KCTD16: variants seen among roughly 807,000 people sequenced by gnomAD.
KCTD16 encodes the protein BTB/POZ domain-containing protein KCTD16.
A neutral mutation model predicts 33.2 loss-of-function variants in KCTD16; 13 were observed. The ratio of observed to expected loss-of-function variants is 0.39; its 90% CI spans 0.25 to 0.62. The LOEUF is 0.62. Among genes scored for constraint, KCTD16 ranks in the 20% least tolerant of loss-of-function variants. KCTD16 has a pLI of 0.50. For synonymous variants in KCTD16, 197 were observed against 195.3 expected (o/e 1.01, Z -0.07); for missense variants, 441 against 525.1 (o/e 0.84, Z 1.57).
intron 3 of KCTD16, among the ~76,000 whole-genome samples, chr5:144,375,400 G>A (rs1036289941): frequency 6.6e-6 from 1 of 152,150 alleles, no homozygotes; most frequent in African/African-American, 2.4e-5. Flanking sequence ...GTGAATATGT[G>A]ATCTAGTTCT....
intron 3 of KCTD16, among the ~76,000 whole-genome samples, chr5:144,315,784 T>C (rs920497805): frequency 6.6e-6 from 1 of 152,180 alleles, no homozygotes; most frequent in African/African-American, 2.4e-5. Context: ...TATATTTAAC[T>C]AGATAAGGGC....
At chr5:144,329,039 A>G (rs1464924578) in intron 3 of KCTD16, among the ~76,000 whole-genome samples, 1 of 152,040 alleles carries the variant, frequency 6.6e-6, no homozygotes, top group East Asian at 1.9e-4. Context: ...GCAGTTTTTT[A>G]AAGCCCTCTA....
chr5:144,435,069 T>C (rs1237369794), intron 3 of KCTD16, among the ~76,000 whole-genome samples: 2 of 152,150 alleles, frequency 1.3e-5, no homozygotes, highest in Admixed American at 6.5e-5. Context: ...TCCATGGTTT[T>C]TATTGGTTTC....
intron 3 of KCTD16, among the ~76,000 whole-genome samples, chr5:144,404,577 G>A (rs1002494329): frequency 3.3e-5 from 5 of 152,120 alleles, no homozygotes; most frequent in African/African-American, 9.7e-5. Flanking sequence ...GGCATATGTC[G>A]ACATGCTTTG....
intron 3 of KCTD16, among the ~76,000 whole-genome samples, chr5:144,442,136 T>C (rs1052714457): frequency 2.0e-4 from 30 of 152,284 alleles, no homozygotes; most frequent in African/African-American, 6.7e-4. Flanking sequence ...TCTTCATTGC[T>C]AGTAGTATTG....
intron 3 of KCTD16, among the ~76,000 whole-genome samples, chr5:144,319,289 A>G (rs1054710485): frequency 2.6e-5 from 4 of 152,194 alleles, no homozygotes; most frequent in African/African-American, 9.7e-5. Context: ...AAACTAAAGA[A>G]TAGAAAATAA....
chr5:144,177,433 T>C (rs1752531407), intron 2 of KCTD16, among the ~76,000 whole-genome samples: 1 of 152,206 alleles, frequency 6.6e-6, no homozygotes, highest in South Asian at 2.1e-4. Context: ...ATTTATTGTC[T>C]TAGAGTTCTG....
chr5:144,345,800 C>T (rs1752783324), intron 3 of KCTD16, among the ~76,000 whole-genome samples: 1 of 152,138 alleles, frequency 6.6e-6, no homozygotes, highest in Non-Finnish European at 1.5e-5. Context: ...ATAGGTACAT[C>T]ATGGGGAATA....
chr5:144,309,365 A>G (rs1177267999), intron 3 of KCTD16, among the ~76,000 whole-genome samples: 1 of 140,532 alleles, frequency 7.1e-6, no homozygotes, highest in Admixed American at 7.2e-5. Context: ...TCTCCTCCAC[A>G]TTTTTTTTTT....
At chr5:144,391,582 T>C (rs914594624) in intron 3 of KCTD16, among the ~76,000 whole-genome samples, 8 of 152,190 alleles carry the variant, frequency 5.3e-5, no homozygotes, top group African/African-American at 1.9e-4. Context: ...TAATTCACCT[T>C]CCAGCTTTGG....
chr5:144,465,964 A>G (rs1580986271), intron 3 of KCTD16, among the ~76,000 whole-genome samples: 2 of 151,898 alleles, frequency 1.3e-5, no homozygotes, highest in African/African-American at 4.8e-5. Context: ...TCAGCCTCCC[A>G]AGTAGCTGGG....
chr5:144,382,017 T>TATACATAC (rs111382461), intron 3 of KCTD16, among the ~76,000 whole-genome samples: 4,756 of 149,820 alleles, frequency 0.032, 82 homozygotes, highest in Admixed American at 0.055. Context: ...AAGATGTTTA[T>TATACATAC]ATACATACAT....
At position 144,478,814 on chromosome 5, in the gene KCTD16, A is replaced by G. The variant is rs958369427; in HGVS notation, c.*4700A>G. ...CATTATCTTAAGAGAAAACACCCAA[A>G]GAAAAATATCCTAAGACTAGGGCAG... On this transcript the variant is annotated 3_prime_UTR_variant, in exon 4 of 4. Coordinates refer to ENST00000512467, the MANE Select transcript of KCTD16 (RefSeq NM_020768.4). The G allele has an allele frequency of 1.3e-5, 2 of 152,026 alleles. No individual in the cohort carries two copies. The highest frequency in any genetic ancestry group is 2.4e-5 in the African/African-American group (1 of 41,422). The allele number at this position is 152,026 out of a possible 1,614,324, so 9.4% of individuals were successfully genotyped here.
At chr5:144,403,781 C>T (rs1752755844) in intron 3 of KCTD16, among the ~76,000 whole-genome samples, 1 of 152,210 alleles carries the variant, frequency 6.6e-6, no homozygotes, top group Non-Finnish European at 1.5e-5. Flanking sequence ...AGGCAGTGCT[C>T]TTTCCTCCCT....
At chr5:144,459,682 A>G (rs939101810) in intron 3 of KCTD16, among the ~76,000 whole-genome samples, 2 of 151,936 alleles carry the variant, frequency 1.3e-5, no homozygotes, top group African/African-American at 4.8e-5. Context: ...CAGCCAGAGG[A>G]ACCTTGTAAA....
chr5:144,432,350 G>C (rs1431189254), intron 3 of KCTD16, among the ~76,000 whole-genome samples: 3 of 152,022 alleles, frequency 2.0e-5, no homozygotes, highest in Non-Finnish European at 4.4e-5. Context: ...AACCCTTTAA[G>C]AAACAATTAT....
intron 2 of KCTD16, among the ~76,000 whole-genome samples, chr5:144,199,551 T>A (rs1320565732): frequency 2.0e-5 from 3 of 152,154 alleles, no homozygotes; most frequent in African/African-American, 7.2e-5. Context: ...GTTTTTCATT[T>A]GCCAACCCAT....
At chr5:144,214,271 A>C (rs1580793369) in intron 3 of KCTD16, among the ~76,000 whole-genome samples, 1 of 152,026 alleles carries the variant, frequency 6.6e-6, no homozygotes, top group Admixed American at 6.6e-5. Flanking sequence ...GGCCATGAGC[A>C]TTCCTTTATT....
At chr5:144,239,219 C>A (rs1754335036) in intron 3 of KCTD16, among the ~76,000 whole-genome samples, 1 of 152,068 alleles carries the variant, frequency 6.6e-6, no homozygotes, top group South Asian at 2.1e-4. Flanking sequence ...AGCCATGATG[C>A]TATGCAAGGG....
Sources: allele counts gnomAD v4.1 joint callset (sites outside exome capture counted in the v4.1 genomes callset), GRCh38; gene constraint gnomAD v4.1.1; transcripts MANE v1.5; gene names NCBI Gene and HGNC (gene_info 2026-07-23, HGNC 2026-07-21).